FGD5: variants seen among roughly 807,000 people sequenced by gnomAD.
The protein encoded by FGD5 is FYVE, RhoGEF and PH domain-containing protein 5.
FGD5 carries 28 observed loss-of-function variants against 133.4 expected under a neutral mutation model. The ratio of observed to expected loss-of-function variants is 0.21; its 90% confidence interval spans 0.16 to 0.29. FGD5 has a LOEUF of 0.29. FGD5 is among the 10% of genes least tolerant of loss of function. The probability of loss-of-function intolerance (pLI) is 1.00; values close to 1 mark genes in which losing one functional copy is unlikely to be tolerated. For synonymous variants in FGD5, 810 were observed against 776.5 expected (o/e 1.04, Z -0.72); for missense variants, 1,858 against 1,895.2 (o/e 0.98, Z 0.36).
rs1286731182 is a variant in FGD5 at position 14,892,025 on chromosome 3, C to G, written c.2749-5484C>G. Among the ~76,000 whole-genome samples the G allele has an allele frequency of 2.6e-5, 4 of 151,740 alleles. No individual in the cohort carries two copies. The East Asian group carries it at 7.8e-4, about 30-fold the overall frequency. On this transcript the variant is annotated intron_variant, in intron 4 of 19. Coordinates refer to ENST00000285046, the MANE Select transcript of FGD5 (RefSeq NM_152536.4). ...TCCCCGTTTCCCTCTCTGTCCCATC[C>G]CACCTCCCTGTCCTCTTTTCTACCC... is the stretch of plus-strand genomic sequence containing the variant.
chr3:14,829,998 G>A (rs1039807273), intron 1 of FGD5, among the ~76,000 whole-genome samples: 5 of 152,178 alleles, frequency 3.3e-5, no homozygotes, highest in East Asian at 3.8e-4. Context: ...ATCAATGCTC[G>A]GTGGGAATGT....
chr3:14,908,905 TAATA>T (rs2038390156), intron 10 of FGD5, among the ~76,000 whole-genome samples: 1 of 151,652 alleles, frequency 6.6e-6, no homozygotes, highest in African/African-American at 2.4e-5. Flanking sequence ...TAAATAAAAA[TAATA>T]AATAAAAAGG....
rs941699753 is a variant in FGD5 at position 14,874,013 on chromosome 3, C to T, written c.2659-6559C>T. On this transcript the variant is annotated intron_variant, in intron 2 of 19. Transcript: ENST00000285046. Reference sequence around the variant, plus strand: ...CTGGGATTACAGGTGTGAGCCACTGCGCCCAGCCAGACCTACACTCTTAAT... The same window carrying T: ...CTGGGATTACAGGTGTGAGCCACTGTGCCCAGCCAGACCTACACTCTTAAT... Among the ~76,000 whole-genome samples the T allele has an allele frequency of 4.6e-5, 7 of 152,134 alleles. No homozygotes were observed. The South Asian group carries it at 6.2e-4, about 14-fold the overall frequency.
chr3:14,919,732 G>A (rs1005228215), intron 13 of FGD5, among the ~76,000 whole-genome samples: 2 of 152,310 alleles, frequency 1.3e-5, no homozygotes, highest in African/African-American at 2.4e-5. Context: ...TGACTGATTC[G>A]GTGTCTGGTG....
chr3:14,821,231 C>G lies in FGD5; in HGVS notation c.2160C>G (p.Ser720=), dbSNP rs763954588. ...TGKLRASESP[S]SLIFYRDGKR... is the part of the protein sequence containing the mutation. Reference sequence around the variant, plus strand: ...AGCTCCGGGCTTCTGAATCCCCCTCCTCCCTCATCTTTTATAGAGATGGCA... The same window carrying G: ...AGCTCCGGGCTTCTGAATCCCCCTCGTCCCTCATCTTTTATAGAGATGGCA... The change falls in exon 1 of 20, where the codon TCC becomes TCG. Residue 720 remains serine (S), a synonymous_variant. Transcript: ENST00000285046. 43 of 1,613,938 alleles carry G rather than the reference C, an allele frequency of 2.7e-5. No homozygotes were observed. In the South Asian group the frequency reaches 4.4e-4, roughly 16 times the overall value.
chr3:14,868,166 C>T (rs577198947), intron 2 of FGD5, among the ~76,000 whole-genome samples: 22 of 152,312 alleles, frequency 1.4e-4, no homozygotes, highest in South Asian at 1.2e-3. Flanking sequence ...TTCAAAGACT[C>T]GCTGACGTGT....
intron 10 of FGD5, among the ~76,000 whole-genome samples, chr3:14,910,345 A>G (rs1335465241): frequency 6.6e-6 from 1 of 152,162 alleles, no homozygotes; most frequent in Non-Finnish European, 1.5e-5. Flanking sequence ...CCAAACAAAG[A>G]CAATAACAGG....
chr3:14,864,399 A>T (rs1037067995), intron 2 of FGD5, 139 bp downstream of exon 2: 1 of 1,353,556 alleles, frequency 7.4e-7, no homozygotes, highest in Admixed American at 1.9e-5. Flanking sequence ...GGGCTGAGAC[A>T]CGCAGCATCA....
intron 2 of FGD5, among the ~76,000 whole-genome samples, chr3:14,877,479 G>A (rs293918): frequency 0.14 from 22,036 of 152,136 alleles, 1,931 homozygotes; most frequent in East Asian, 0.39. Context: ...ATGGTGTGAC[G>A]GCTGCCATCC....
chr3:14,916,776 A>G (rs2038564382), intron 11 of FGD5, among the ~76,000 whole-genome samples: 1 of 152,186 alleles, frequency 6.6e-6, no homozygotes, highest in Non-Finnish European at 1.5e-5. Flanking sequence ...AGTTCTGCCT[A>G]TTCTGGAGTG....
At chr3:14,923,202 C>T in intron 16 of FGD5, 27 bp downstream of exon 16, 3 of 1,600,802 alleles carry the variant, frequency 1.9e-6, no homozygotes, top group Non-Finnish European at 2.6e-6. Flanking sequence ...TTGCCTTCTT[C>T]CAAGTGGCCT....
intron 13 of FGD5, among the ~76,000 whole-genome samples, chr3:14,919,768 G>A (rs1241148952): frequency 2.0e-5 from 3 of 152,150 alleles, no homozygotes; most frequent in South Asian, 4.1e-4. Context: ...GTTCAAAGAC[G>A]GTGCCTTCTC....
intron 2 of FGD5, among the ~76,000 whole-genome samples, chr3:14,864,630 G>A (rs1376298179): frequency 6.6e-6 from 1 of 152,218 alleles, no homozygotes; most frequent in East Asian, 1.9e-4. Context: ...GAAATCATGA[G>A]GGTGAGATGT....
chr3:14,840,704 A>G (rs1370908320), intron 1 of FGD5, among the ~76,000 whole-genome samples: 2 of 152,190 alleles, frequency 1.3e-5, no homozygotes, highest in African/African-American at 2.4e-5. Flanking sequence ...CCATATTTAC[A>G]TACATTTGTG....
At chr3:14,859,118 A>G (rs966202820) in intron 1 of FGD5, among the ~76,000 whole-genome samples, 2 of 152,236 alleles carry the variant, frequency 1.3e-5, no homozygotes, top group African/African-American at 4.8e-5. Flanking sequence ...ATGTATTACT[A>G]TAATTTTTGA....
At chr3:14,924,190 T>A (rs762361193) in intron 17 of FGD5, 52 bp downstream of exon 17, 22 of 1,612,800 alleles carry the variant, frequency 1.4e-5, no homozygotes, top group Non-Finnish European at 1.7e-5. Context: ...GGAAGGTTCA[T>A]GGTCATCCTG....
At chr3:14,914,878 TC>T (rs1221769919) in intron 11 of FGD5, among the ~76,000 whole-genome samples, 1 of 152,182 alleles carries the variant, frequency 6.6e-6, no homozygotes, top group Non-Finnish European at 1.5e-5. Flanking sequence ...AGGGTTTTGG[TC>T]CAGCGCCTGG....
Position 14,871,597 on chromosome 3 carries a change from A to G in FGD5, c.2658+7337A>G, listed in dbSNP as rs144228617. Among the ~76,000 whole-genome samples the G allele has an allele frequency of 1.1e-4, 17 of 152,266 alleles. No individual in the cohort carries two copies. The East Asian group carries it at 2.9e-3, about 26-fold the overall frequency. On this transcript the variant is annotated intron_variant, in intron 2 of 19. Transcript: ENST00000285046. ...GGCGGGTGACAGAGGAGAGGGAGGG[A>G]GGCAGACACAACTCAGAGGGGACGG...
chr3:14,855,753 T>G (rs2037265313), intron 1 of FGD5, among the ~76,000 whole-genome samples: 1 of 152,138 alleles, frequency 6.6e-6, no homozygotes, highest in African/African-American at 2.4e-5. Context: ...GACCTTTGAG[T>G]TTCTTATCTA....
Sources: allele counts gnomAD v4.1 joint callset (sites outside exome capture counted in the v4.1 genomes callset), GRCh38; gene constraint gnomAD v4.1.1; transcripts MANE v1.5; gene names NCBI Gene and HGNC (gene_info 2026-07-23, HGNC 2026-07-21).